The following DEAF1 variants were observed in gnomAD, a reference collection of about 807,000 sequenced individuals.
DEAF1 encodes the protein deformed epidermal autoregulatory factor 1 homolog.
In DEAF1, 53 loss-of-function variants were observed where a neutral mutation model predicts 58.9. The ratio of observed to expected loss-of-function variants is 0.90; its 90% confidence interval spans 0.72 to 1.13. DEAF1 has a LOEUF of 1.13. Among genes scored for constraint, DEAF1 ranks in the 50% most tolerant of loss-of-function variants. The probability of loss-of-function intolerance (pLI) is 0.00; values close to 1 mark genes in which losing one functional copy is unlikely to be tolerated. For synonymous variants in DEAF1, 385 were observed against 340.4 expected (o/e 1.13, Z -1.44); for missense variants, 685 against 791.4 (o/e 0.87, Z 1.61).
chr11:688,434 C>T lies in DEAF1; in HGVS notation c.414G>A (p.Gly138=), dbSNP rs200666406. The T allele has an allele frequency of 3.7e-6, 6 of 1,613,870 alleles. No homozygotes were observed. In the East Asian group the frequency reaches 1.3e-4, roughly 36 times the overall value. The change falls in exon 3 of 12, where the codon GGG becomes GGA. Residue 138 remains glycine, a synonymous_variant. Coordinates refer to ENST00000382409, the MANE Select transcript of DEAF1 (RefSeq NM_021008.4). The surrounding 1 kb of genome is among the most constrained non-coding windows in gnomAD (Gnocchi z 4.3). ...TCGCTTTTTCGGTGTTCAGGCTGTC[C>T]CCGATCTGAAGGGCCGTCCTACCAG... ...VLSGRTALQI[G]DSLNTEKATL...
At chr11:703,536 C>A in intron 1 of DEAF1, 1 of 1,234,994 alleles carries the variant, frequency 8.1e-7, no homozygotes, top group South Asian at 4.1e-5. Flanking sequence ...CACTGCATCC[C>A]CCATCACCCC....
chr11:698,560 G>A (rs996946174), upstream of DEAF1, among the ~76,000 whole-genome samples: 33 of 152,168 alleles, frequency 2.2e-4, no homozygotes, highest in African/African-American at 8.0e-4. Flanking sequence ...GTTGGGGTGG[G>A]CTCCAGGGTG....
chr11:679,422 A>C (rs1027275329), intron 8 of DEAF1, among the ~76,000 whole-genome samples: 3 of 152,214 alleles, frequency 2.0e-5, no homozygotes, highest in Non-Finnish European at 4.4e-5. Context: ...AACTGCAGTC[A>C]AAAGCAGGAG....
rs1027213117 is a variant in DEAF1 at position 688,548 on chromosome 11, C to A, written c.388-88G>T. ...CCAGCTGGGCCGTCCTCCAGCAGGG[C>A]TCTCTGGCTGTTCTCACCAAGAAGG... On this transcript the variant is annotated intron_variant, in intron 2 of 11. Coordinates refer to ENST00000382409, the MANE Select transcript of DEAF1 (RefSeq NM_021008.4). This position sits in a 1 kb window ranked among gnomAD's most constrained non-coding sequence, Gnocchi z 4.3. 1.5e-5 allele frequency: 23 copies of A among 1,555,400 alleles called. No individual in the cohort carries two copies. The highest frequency in any genetic ancestry group is 1.8e-5 in the Non-Finnish European group (21 of 1,135,756).
intron 10 of DEAF1, among the ~76,000 whole-genome samples, chr11:661,973 T>TGA (rs886205674): frequency 6.6e-6 from 1 of 152,142 alleles, no homozygotes. Context: ...TGGCTTTGCA[T>TGA]GAGGCCCAAC....
At chr11:679,210 G>A (rs1479249046) in intron 8 of DEAF1, among the ~76,000 whole-genome samples, 1 of 151,902 alleles carries the variant, frequency 6.6e-6, no homozygotes, top group African/African-American at 2.4e-5. Context: ...AGCTACTTGG[G>A]AGGCTGAGGC....
At chr11:659,949 C>G (rs957656536) in intron 10 of DEAF1, among the ~76,000 whole-genome samples, 3 of 152,190 alleles carry the variant, frequency 2.0e-5, no homozygotes, top group African/African-American at 7.2e-5. Context: ...GTCCCCAACA[C>G]AGGGCAGGTG....
chr11:644,312 G>A lies in DEAF1; in HGVS notation c.*238C>T, dbSNP rs1858374158. The A allele has an allele frequency of 1.7e-6, 1 of 599,298 alleles. No homozygotes were observed. Among genetic ancestry groups the A allele is most frequent in the Non-Finnish European group, 3.0e-6 (1 of 333,660 alleles). The allele number at this position is 599,298 out of a possible 1,614,324, so 37.1% of individuals were successfully genotyped here. A position where few individuals can be genotyped will look rare whatever the true frequency, so the allele number is the denominator to read the frequency against. ...ACAGGCCCTGTGGGCAAGACCGGAC[G>A]CTCATGATCCCAGGGATAAAAAATC... On this transcript the variant is annotated 3_prime_UTR_variant, in exon 12 of 12. Transcript: ENST00000382409. This position sits in a 1 kb window ranked among gnomAD's most constrained non-coding sequence, Gnocchi z 4.3.
intron 2 of DEAF1, among the ~76,000 whole-genome samples, chr11:689,229 G>A (rs548818035): frequency 2.2e-5 from 3 of 136,424 alleles, no homozygotes; most frequent in South Asian, 2.3e-4. Context: ...TTTTTGAGAC[G>A]GAGACTCGTT....
chr11:698,009 A>T (rs1474081187), upstream of DEAF1: 1 of 152,278 alleles, frequency 6.6e-6, no homozygotes, highest in East Asian at 1.9e-4. Context: ...GCTGAAGGGG[A>T]AATAGAACAG....
chr11:653,057 C>A (rs1186869278), intron 11 of DEAF1, among the ~76,000 whole-genome samples: 1 of 139,166 alleles, frequency 7.2e-6, no homozygotes, highest in African/African-American at 2.7e-5. Flanking sequence ...GCACTCCAGC[C>A]TGGGTGACAG....
At chr11:650,659 T>A (rs975525574) in intron 11 of DEAF1, among the ~76,000 whole-genome samples, 5 of 151,462 alleles carry the variant, frequency 3.3e-5, no homozygotes, top group Admixed American at 2.6e-4. Context: ...AGGTTTTTTT[T>A]AAAAAGATGC....
chr11:691,176 C>A (rs186206454), intron 2 of DEAF1, among the ~76,000 whole-genome samples: 53 of 152,362 alleles, frequency 3.5e-4, no homozygotes, highest in Non-Finnish European at 6.3e-4. Flanking sequence ...ATAAGGAGCA[C>A]AGGCAGGGCC....
chr11:704,645 A>G (rs1289017497), intron 1 of DEAF1: 1 of 1,289,194 alleles, frequency 7.8e-7, no homozygotes, highest in Admixed American at 2.3e-5. Context: ...CTTCATGGTT[A>G]ATGGATCCTG....
intron 4 of DEAF1, among the ~76,000 whole-genome samples, 171 bp downstream of exon 4, chr11:687,740 C>T (rs1186030067): frequency 2.6e-5 from 4 of 152,138 alleles, no homozygotes; most frequent in African/African-American, 9.7e-5. Flanking sequence ...CTCTGATCCA[C>T]CCGCCTCGGC....
At chr11:646,301 A>C (rs1344643697) in intron 11 of DEAF1, 2 of 151,998 alleles carry the variant, frequency 1.3e-5, no homozygotes, top group East Asian at 1.9e-4. Context: ...ATAGACTATA[A>C]ATCTACATAG....
chr11:704,918 G>A, intron 1 of DEAF1: 1 of 350,078 alleles, frequency 2.9e-6, no homozygotes, highest in Non-Finnish European at 5.6e-6. Flanking sequence ...GGGCACGGGT[G>A]CACCGAGGGG....
chr11:704,310 C>A, intron 1 of DEAF1: 1 of 733,340 alleles, frequency 1.4e-6, no homozygotes, highest in Non-Finnish European at 2.0e-6. Context: ...CCTGGGCCTC[C>A]ACTGGGGCTC....
chr11:683,177 C>T (rs116557999), intron 6 of DEAF1, among the ~76,000 whole-genome samples: 2,991 of 152,252 alleles, frequency 0.02, 105 homozygotes, highest in African/African-American at 0.068. Context: ...CTGAGCTCAT[C>T]ACACCACCAC....
Sources: gnomAD v4.1 joint callset for allele counts (sites outside exome capture counted in the v4.1 genomes callset) on GRCh38, gnomAD v4.1.1 for gene constraint, Gnocchi (gnomAD v3.1) non-coding constraint, MANE v1.5 for transcripts, NCBI Gene and HGNC (gene_info 2026-07-23, HGNC 2026-07-21) for gene names.